Variants in DPF3 observed in about 807,000 individuals in gnomAD.
DPF3 encodes zinc finger protein DPF3.
DPF3 carries 18 observed loss-of-function variants against 56.8 expected under a neutral mutation model. The ratio of observed to expected loss-of-function variants is 0.32; its 90% CI spans 0.22 to 0.47. DPF3 has a LOEUF of 0.47. DPF3 is among the 20% of genes least tolerant of loss of function. DPF3 has a pLI of 1.00. For missense variants in DPF3, 403 were observed against 488.8 expected, an observed-to-expected ratio of 0.82 and a Z score of 1.65; for synonymous variants, 188 against 180.2, an observed-to-expected ratio of 1.04 and a Z score of -0.35.
At chr14:72,822,646 AG>A (rs772172338) in intron 1 of DPF3, among the ~76,000 whole-genome samples, 23 of 152,164 alleles carry the variant, frequency 1.5e-4, no homozygotes, top group Non-Finnish European at 2.6e-4. Flanking sequence ...TACTTTCTGT[AG>A]TGTTTAAATT....
rs898322613 is a variant in DPF3 at position 72,709,664 on chromosome 14, G to A, written c.604+4759C>T. Among the ~76,000 whole-genome samples the A allele has an allele frequency of 9.2e-5, 14 of 152,212 alleles. No individual in the cohort carries two copies. In the South Asian group the frequency reaches 2.3e-3, roughly 25 times the overall value. ...TATGGAAGATGTCCTAGGGTATGGC[G>A]GTTCTAGAGTTGAGGACGCTGGGAT... On this transcript the variant is annotated intron_variant, in intron 6 of 10. Transcript: ENST00000556509.
intron 1 of DPF3, among the ~76,000 whole-genome samples, chr14:72,861,391 G>A (rs12431764): frequency 0.69 from 104,567 of 151,806 alleles, 36,228 homozygotes; most frequent in African/African-American, 0.76. Context: ...CGCTAATTCA[G>A]ACCCCTAGCT....
chr14:72,834,424 G>A (rs1884197756), intron 1 of DPF3, among the ~76,000 whole-genome samples: 1 of 151,000 alleles, frequency 6.6e-6, no homozygotes, highest in African/African-American at 2.4e-5. Context: ...TTGAACCGGG[G>A]AGGCAGAGGT....
chr14:72,819,523 T>C (rs1883053832), intron 1 of DPF3, among the ~76,000 whole-genome samples: 1 of 151,906 alleles, frequency 6.6e-6, no homozygotes, highest in Admixed American at 6.6e-5. Context: ...AAAAAAAAGA[T>C]GTTACTGCAT....
intron 1 of DPF3, among the ~76,000 whole-genome samples, chr14:72,829,633 C>T (rs1380285122): frequency 6.6e-6 from 1 of 152,176 alleles, no homozygotes; most frequent in African/African-American, 2.4e-5. Flanking sequence ...ATCTGCCTGC[C>T]TCAGCCTCCC....
chr14:72,872,085 A>T (rs1599513367), intron 1 of DPF3, among the ~76,000 whole-genome samples: 1 of 152,186 alleles, frequency 6.6e-6, no homozygotes, highest in Non-Finnish European at 1.5e-5. Flanking sequence ...GAAGCTGCCA[A>T]CGCTTGGGGC....
intron 4 of DPF3, among the ~76,000 whole-genome samples, chr14:72,729,040 G>A (rs1395897980): frequency 6.6e-6 from 1 of 152,050 alleles, no homozygotes; most frequent in Non-Finnish European, 1.5e-5. Flanking sequence ...CTGCAGTCAG[G>A]AGTTCGAGAC....
At chr14:72,697,087 C>T (rs1427215663) in intron 6 of DPF3, among the ~76,000 whole-genome samples, 1 of 152,152 alleles carries the variant, frequency 6.6e-6, no homozygotes, top group South Asian at 2.1e-4. Flanking sequence ...AGAATCAGGA[C>T]CAGACAATAC....
At chr14:72,748,778 C>T (rs1157964337) in intron 3 of DPF3, among the ~76,000 whole-genome samples, 2 of 152,206 alleles carry the variant, frequency 1.3e-5, no homozygotes, top group East Asian at 1.9e-4. Flanking sequence ...TCAGAGGGTG[C>T]AAGCCTCAAG....
At chr14:72,661,263 G>A (rs1190681117) in intron 8 of DPF3, 12 of 985,202 alleles carry the variant, frequency 1.2e-5, no homozygotes, top group African/African-American at 3.5e-5. Flanking sequence ...AGACACTCTC[G>A]GTGATCCCCT....
rs1446683106 is a variant in DPF3, at chr14:72,693,274, G to A, written c.605-61C>T. On this transcript the variant is annotated intron_variant, in intron 6 of 10. Transcript: ENST00000556509. ...AATATTAGCAACCTGTGCAGCCACC[G>A]CTATCATTCTCCCAGACAGTGATCC... 3.7e-5 allele frequency: 58 copies of A among 1,550,472 alleles called. No individual in the cohort carries two copies. The East Asian group carries it at 7.7e-4, about 21-fold the overall frequency.
chr14:72,799,925 G>C (rs2139998678), intron 1 of DPF3, among the ~76,000 whole-genome samples: 1 of 152,280 alleles, frequency 6.6e-6, no homozygotes, highest in South Asian at 2.1e-4. Context: ...AGAGGACCTT[G>C]CTGAGCCCCT....
At chr14:72,861,787 G>GAAAGAA (rs1885443170) in intron 1 of DPF3, among the ~76,000 whole-genome samples, 1 of 149,620 alleles carries the variant, frequency 6.7e-6, no homozygotes, top group Non-Finnish European at 1.5e-5. Flanking sequence ...AAGAAAGAAA[G>GAAAGAA]AAAGAAAGAA....
At position 72,854,280 on chromosome 14, in the gene DPF3, C is replaced by T. The variant is rs193141100; in HGVS notation, c.32+39777G>A. 2.7e-3 allele frequency among the ~76,000 whole-genome samples: 407 copies of T among 150,726 alleles called. 1 individual carries two copies. The highest frequency in any genetic ancestry group is 4.5e-3 in the Non-Finnish European group (304 of 67,644). On this transcript the variant is annotated intron_variant, in intron 1 of 10. Transcript: ENST00000556509. ...CTGAGGCAGGAGAATTGCTTGAACC[C>T]GGGAGGTGGAGGTTGCAGTGAGCCG...
intron 1 of DPF3, among the ~76,000 whole-genome samples, chr14:72,888,496 T>C (rs1232103005): frequency 6.6e-6 from 1 of 152,174 alleles, no homozygotes; most frequent in Non-Finnish European, 1.5e-5. Flanking sequence ...CTCTCCCCAG[T>C]CACTCAAACA....
chr14:72,800,576 GC>G (rs1486706593), intron 1 of DPF3, among the ~76,000 whole-genome samples: 16 of 152,068 alleles, frequency 1.1e-4, no homozygotes, highest in African/African-American at 3.9e-4. Flanking sequence ...ATGCATGCAT[GC>G]ATGGATGGAT....
At chr14:72,872,767 G>T (rs61988471) in intron 1 of DPF3, among the ~76,000 whole-genome samples, 4 of 151,530 alleles carry the variant, frequency 2.6e-5, no homozygotes, top group Non-Finnish European at 5.9e-5. Context: ...AAATAATGCC[G>T]CATATCTACA....
At chr14:72,772,645 G>C (rs1043603752) in intron 1 of DPF3, among the ~76,000 whole-genome samples, 1 of 152,126 alleles carries the variant, frequency 6.6e-6, no homozygotes, top group African/African-American at 2.4e-5. Flanking sequence ...TATATTTTAC[G>C]TTCCTGACTC....
chr14:72,718,477 C>T (rs1165398768), intron 5 of DPF3, among the ~76,000 whole-genome samples: 1 of 152,174 alleles, frequency 6.6e-6, no homozygotes, highest in Non-Finnish European at 1.5e-5. Flanking sequence ...CTCACGCTCT[C>T]ACAGGCATCC....
Sources: allele counts gnomAD v4.1 joint callset (sites outside exome capture counted in the v4.1 genomes callset), GRCh38; gene constraint gnomAD v4.1.1; transcripts MANE v1.5; gene names NCBI Gene and HGNC (gene_info 2026-07-23, HGNC 2026-07-21).